The following SNTG2 variants were observed in gnomAD, a reference collection of about 807,000 sequenced individuals.
The protein encoded by SNTG2 is syntrophin gamma 2, also known as gamma-2-syntrophin.
Under a neutral mutation model 70.9 loss-of-function variants are expected in SNTG2, and 74 were observed. The ratio of observed to expected loss-of-function variants is 1.04; its 90% CI spans 0.86 to 1.27. SNTG2 has a LOEUF of 1.27. SNTG2 is among the 50% of genes most tolerant of loss of function. The pLI is 0.00. For missense variants in SNTG2, 717 were observed against 690.7 expected, an observed-to-expected ratio of 1.04 and a Z score of -0.43; for synonymous variants, 278 against 273.8, an observed-to-expected ratio of 1.02 and a Z score of -0.15.
chr2:1,325,325 T>C (rs947468215), intron 16 of SNTG2, among the ~76,000 whole-genome samples: 6 of 152,210 alleles, frequency 3.9e-5, no homozygotes, highest in African/African-American at 1.4e-4. Context: ...CTCACAAAAG[T>C]ATAGTTTACC....
chr2:1,036,857 G>A lies in SNTG2; in HGVS notation c.73-46661G>A, dbSNP rs114765371. Among the ~76,000 whole-genome samples, 429 of 152,270 alleles carry A rather than the reference G, an allele frequency of 2.8e-3. 2 individuals are homozygous for A. Among genetic ancestry groups the A allele is most frequent in the African/African-American group, 9.7e-3 (403 of 41,574 alleles). ...TTGAGCTTAGTTCTTTCAGAATACCGTGTCTCTCTCTCTGCGTCTTATTAG... is the reference window on the plus strand; with the variant it reads ...TTGAGCTTAGTTCTTTCAGAATACCATGTCTCTCTCTCTGCGTCTTATTAG... On this transcript the variant is annotated intron_variant, in intron 1 of 16. Transcript: ENST00000308624.
At position 1,282,760 on chromosome 2, in the gene SNTG2, C is replaced by G. The variant is rs913466919; in HGVS notation, c.1284+15189C>G. Among the ~76,000 whole-genome samples the G allele has an allele frequency of 2.0e-5, 3 of 148,716 alleles. No homozygotes were observed. In the East Asian group the frequency reaches 6.1e-4, roughly 30 times the overall value. ...CCCCCGCCCACCCCCGCCCCCACGT[C>G]AGTGAGCTGGGCGCTCTCCAAGTCC... On this transcript the variant is annotated intron_variant, in intron 14 of 16. Coordinates refer to ENST00000308624, the MANE Select transcript of SNTG2 (RefSeq NM_018968.4).
intron 1 of SNTG2, among the ~76,000 whole-genome samples, chr2:1,035,124 T>G (rs1390406276): frequency 2.0e-5 from 3 of 152,318 alleles, no homozygotes; most frequent in South Asian, 2.1e-4. Flanking sequence ...TTTGGGTAAA[T>G]AATGAAATTA....
intron 9 of SNTG2, among the ~76,000 whole-genome samples, chr2:1,233,127 C>A (rs2148083516): frequency 6.6e-6 from 1 of 152,316 alleles, no homozygotes; most frequent in Non-Finnish European, 1.5e-5. Flanking sequence ...AACTGGACAG[C>A]TTATTAAAAA....
intron 14 of SNTG2, among the ~76,000 whole-genome samples, 173 bp from the exon 15 acceptor site, chr2:1,308,321 G>A (rs1015680908): frequency 6.6e-6 from 1 of 152,166 alleles, no homozygotes; most frequent in Non-Finnish European, 1.5e-5. Flanking sequence ...CCTGTATGCA[G>A]TTGTTCCTGT....
intron 7 of SNTG2, among the ~76,000 whole-genome samples, chr2:1,168,454 G>A (rs912839567): frequency 1.3e-5 from 2 of 152,280 alleles, no homozygotes; most frequent in Admixed American, 1.3e-4. Flanking sequence ...TGGCACCCCC[G>A]CCAGAGGTTT....
intron 1 of SNTG2, among the ~76,000 whole-genome samples, chr2:1,023,518 C>T (rs1483858721): frequency 6.6e-6 from 1 of 152,160 alleles, no homozygotes; most frequent in Non-Finnish European, 1.5e-5. Flanking sequence ...CATGGAGGAA[C>T]ATAAGTTTTA....
chr2:1,325,750 A>G (rs1012032854), intron 16 of SNTG2, among the ~76,000 whole-genome samples: 1 of 152,258 alleles, frequency 6.6e-6, no homozygotes, highest in Non-Finnish European at 1.5e-5. Flanking sequence ...TAAAGACTCA[A>G]TTGGCAAAGA....
At chr2:1,303,573 T>C (rs1680546835) in intron 14 of SNTG2, among the ~76,000 whole-genome samples, 1 of 152,112 alleles carries the variant, frequency 6.6e-6, no homozygotes, top group Non-Finnish European at 1.5e-5. Context: ...TTTGCCTCAA[T>C]AAACTAGAAA....
At chr2:1,132,999 C>T (rs1269946286) in intron 4 of SNTG2, among the ~76,000 whole-genome samples, 1 of 152,164 alleles carries the variant, frequency 6.6e-6, no homozygotes, top group Non-Finnish European at 1.5e-5. Flanking sequence ...CTTCTTTGCC[C>T]TACATTCTCT....
intron 4 of SNTG2, among the ~76,000 whole-genome samples, chr2:1,099,587 T>TGTGGTGAGG (rs1444615355): frequency 6.6e-6 from 1 of 152,148 alleles, no homozygotes; most frequent in Non-Finnish European, 1.5e-5. Flanking sequence ...TGAAGGTGGG[T>TGTGGTGAGG]GCAGTGAGGG....
At chr2:1,021,936 CTTTTT>C (rs71392556) in intron 1 of SNTG2, among the ~76,000 whole-genome samples, 10 of 121,116 alleles carry the variant, frequency 8.3e-5, no homozygotes, top group South Asian at 2.8e-4. Context: ...GTTTTATGTG[CTTTTT>C]TTTTTTTTTT....
rs1461422176 is a variant in SNTG2 at position 1,010,899 on chromosome 2, G to C, written c.72+59831G>C. On this transcript the variant is annotated intron_variant, in intron 1 of 16. Transcript: ENST00000308624. ...GGAAGCACTTACTGTGTAGGCCCTA[G>C]AGTCTTCCGACTCTGGACAGAAAAT... Among the ~76,000 whole-genome samples, 12 of 152,222 alleles carry C rather than the reference G, an allele frequency of 7.9e-5. No homozygotes were observed. In the East Asian group the frequency reaches 2.3e-3, roughly 29 times the overall value.
intron 1 of SNTG2, among the ~76,000 whole-genome samples, chr2:992,847 G>A (rs919088453): frequency 3.9e-5 from 6 of 152,044 alleles, no homozygotes; most frequent in Admixed American, 3.9e-4. Flanking sequence ...TCTGCAGTTC[G>A]GTGGTTTGTT....
chr2:1,358,990 T>G (rs1233273486), intron 16 of SNTG2, among the ~76,000 whole-genome samples: 1 of 152,206 alleles, frequency 6.6e-6, no homozygotes, highest in Non-Finnish European at 1.5e-5. Flanking sequence ...TTTGTCAATG[T>G]TTGTTTCATA....
intron 1 of SNTG2, among the ~76,000 whole-genome samples, chr2:1,023,229 G>A (rs1660294052): frequency 6.6e-6 from 1 of 151,882 alleles, no homozygotes. Flanking sequence ...TTGAAATGAG[G>A]GATTTGAGTA....
At chr2:1,081,235 TG>T (rs1488277015) in intron 1 of SNTG2, among the ~76,000 whole-genome samples, 2 of 152,020 alleles carry the variant, frequency 1.3e-5, no homozygotes, top group East Asian at 1.9e-4. Flanking sequence ...TGCAGCGGAG[TG>T]GGGGATGCCC....
intron 9 of SNTG2, among the ~76,000 whole-genome samples, chr2:1,215,134 A>G (rs1253218236): frequency 6.6e-6 from 1 of 152,158 alleles, no homozygotes; most frequent in African/African-American, 2.4e-5. Context: ...AATTCAGGTA[A>G]CTAGTATTTT....
At chr2:1,217,103 C>A (rs1674443790) in intron 9 of SNTG2, among the ~76,000 whole-genome samples, 2 of 151,714 alleles carry the variant, frequency 1.3e-5, no homozygotes, top group Non-Finnish European at 2.9e-5. Flanking sequence ...GGTTGAGGTT[C>A]CTTAGTTTTC....
Sources: gnomAD v4.1 joint callset for allele counts (sites outside exome capture counted in the v4.1 genomes callset) on GRCh38, gnomAD v4.1.1 for gene constraint, MANE v1.5 for transcripts, NCBI Gene and HGNC (gene_info 2026-07-23, HGNC 2026-07-21) for gene names.